Variants in WDR26 observed in about 807,000 individuals in gnomAD.
WDR26 encodes the protein WD repeat-containing protein 26.
In WDR26, 5 loss-of-function variants were observed where a neutral mutation model predicts 84.1. The observed-to-expected ratio is 0.06, with a 90% confidence interval of 0.03 to 0.13. The LOEUF is 0.13. WDR26 is among the 10% of genes least tolerant of loss of function. The pLI is 1.00. For missense variants in WDR26, 642 were observed against 974.9 expected (o/e 0.66, Z 4.55); for synonymous variants, 415 against 389.6 (o/e 1.07, Z -0.77).
chr1:224,407,151 A>AAAAAAAAAAATATATATAT, intron 7 of WDR26, among the ~76,000 whole-genome samples: 17 of 11,874 alleles, frequency 1.4e-3, no homozygotes, highest in Non-Finnish European at 2.2e-3. Flanking sequence ...AAAAAAAAAA[A>AAAAAAAAAAATATATATAT]ATATATATAT....
intron 8 of WDR26, among the ~76,000 whole-genome samples, chr1:224,404,169 C>T (rs1673492804): frequency 6.6e-6 from 1 of 152,002 alleles, no homozygotes; most frequent in Non-Finnish European, 1.5e-5. Flanking sequence ...TCTGAAGAAC[C>T]ACAGTAAATA....
chr1:224,423,212 T>C (rs1674115236), intron 4 of WDR26, among the ~76,000 whole-genome samples: 1 of 152,234 alleles, frequency 6.6e-6, no homozygotes, highest in Admixed American at 6.5e-5. Flanking sequence ...AGATAGTTTT[T>C]CCTTTTCAAT....
At chr1:224,431,912 C>A in intron 1 of WDR26, 131 bp from the exon 2 acceptor site, 1 of 644,156 alleles carries the variant, frequency 1.6e-6, no homozygotes, top group South Asian at 4.3e-5. Flanking sequence ...AAATAGCTTT[C>A]ATGTGCCTGG....
chr1:224,434,029 T>C lies in WDR26; in HGVS notation c.377A>G (p.Gln126Arg). 2 of 1,472,488 alleles carry C rather than the reference T, an allele frequency of 1.4e-6. No homozygotes were observed. Among genetic ancestry groups the C allele is most frequent in the Non-Finnish European group, 1.8e-6 (2 of 1,115,932 alleles). The allele number at this position is 1,472,488 out of a possible 1,614,324, so 91.2% of individuals were successfully genotyped here. A position where few individuals can be genotyped will look rare whatever the true frequency, so the allele number is the denominator to read the frequency against. ...GCAGGCGAGTTCCGGGGTCTGTCCC[T>C]GGCCCCCGCCGCCCCCTCCTCCTCC... The change falls in exon 1 of 14, where the codon CAG becomes CGG. Residue 126 changes from glutamine to arginine, a missense_variant. Gln to Arg is a conservative substitution (Grantham distance 43). Coordinates refer to ENST00000414423, the MANE Select transcript of WDR26 (RefSeq NM_001379403.1).
Position 224,401,695 on chromosome 1 carries a change from A to AAG in WDR26, c.1600-627_1600-626insCT, listed in dbSNP as rs1553354166. ...TCAAAAAAAAAAAAAAAAAAGAAAA[A>AAG]AAAAAAGAAAAAAGAAAAAAAAAGA... On this transcript the variant is annotated intron_variant, in intron 8 of 13. Coordinates refer to ENST00000414423, the MANE Select transcript of WDR26 (RefSeq NM_001379403.1). 7.2e-3 allele frequency among the ~76,000 whole-genome samples: 751 copies of AAG among 104,004 alleles called. 39 individuals are homozygous for AAG. The highest frequency in any genetic ancestry group is 0.021 in the African/African-American group (546 of 26,546). 68.2% of individuals were successfully genotyped at this position (104,004 alleles called of 152,430 possible). A position where few individuals can be genotyped will look rare whatever the true frequency, so the allele number is the denominator to read the frequency against.
chr1:224,431,391 T>G (rs746646516), intron 3 of WDR26, 86 bp downstream of exon 3: 1 of 1,248,786 alleles, frequency 8.0e-7, no homozygotes, highest in Non-Finnish European at 1.1e-6. Context: ...TAGGCCTTAT[T>G]TTTTTATAAG....
Position 224,434,238 on chromosome 1 carries a change from C to T in WDR26, c.168G>A (p.Ser56=), listed in dbSNP as rs1674529830. Reference sequence around the variant, plus strand: ...AGGAGGAGGAGGAGGACGAGGACGACGAGGACGGAGGGGAGAGGCCTGCTC... The same window carrying T: ...AGGAGGAGGAGGAGGACGAGGACGATGAGGACGGAGGGGAGAGGCCTGCTC... The change falls in exon 1 of 14, where the codon TCG becomes TCA. Residue 56 remains serine (S), a synonymous_variant. Transcript: ENST00000414423. The T allele has an allele frequency of 2.9e-6, 4 of 1,377,174 alleles. No individual in the cohort carries two copies. The highest frequency in any genetic ancestry group is 3.7e-6 in the Non-Finnish European group (4 of 1,069,460). 85.3% of individuals were successfully genotyped at this position (1,377,174 alleles called of 1,614,324 possible).
Position 224,434,204 on chromosome 1 carries a change from C to CGGAGGAGGAGGA in WDR26, c.190_201dup (p.Ser64_Ser67dup), listed in dbSNP as rs144531645. On this transcript the variant is annotated inframe_insertion, in exon 1 of 14. Transcript: ENST00000414423. ...GGGGGAAGTCCCACCACTACCACCA[C>CGGAGGAGGAGGA]GGAGGAGGAGGAGGAGGAGGAGGAC... The CGGAGGAGGAGGA allele has an allele frequency of 7.7e-5, 103 of 1,342,606 alleles. No individual in the cohort carries two copies. The Admixed American group carries it at 8.6e-4, about 11-fold the overall frequency. The allele number at this position is 1,342,606 out of a possible 1,614,324, so 83.2% of individuals were successfully genotyped here. A position where few individuals can be genotyped will look rare whatever the true frequency, so the allele number is the denominator to read the frequency against.
At chr1:224,411,957 G>C (rs1282473279) in intron 6 of WDR26, among the ~76,000 whole-genome samples, 7 of 152,034 alleles carry the variant, frequency 4.6e-5, no homozygotes, top group Non-Finnish European at 7.4e-5. Context: ...AGTTATGACT[G>C]CACCACTGCA....
chr1:224,398,169 T>A lies in WDR26; in HGVS notation c.2002A>T (p.Thr668Ser). Residue 668 changes from threonine (T) to serine (S), a missense_variant, in exon 12 of 14, where the codon ACA becomes TCA. This residue lies in a region of WDR26 where 351 missense variants were observed against 672.8 expected (regional missense o/e 0.52). Coordinates refer to ENST00000414423, the MANE Select transcript of WDR26 (RefSeq NM_001379403.1). ...GAATGAATTGTATAAAACCCTTGTGTAACACCTTGATACTTTCTTACTAAA... is the reference window on the plus strand; with the variant it reads ...GAATGAATTGTATAAAACCCTTGTGAAACACCTTGATACTTTCTTACTAAA... 3 of 1,613,750 alleles carry A rather than the reference T, an allele frequency of 1.9e-6. No homozygotes were observed. The highest frequency in any genetic ancestry group is 2.5e-6 in the Non-Finnish European group (3 of 1,179,900).
chr1:224,422,012 C>T (rs1024083444), intron 4 of WDR26, among the ~76,000 whole-genome samples: 2 of 151,990 alleles, frequency 1.3e-5, no homozygotes, highest in African/African-American at 2.4e-5. Flanking sequence ...TATTTGTTCT[C>T]GATGCTGGAG....
chr1:224,405,963 A>G (rs1673538726), intron 7 of WDR26, among the ~76,000 whole-genome samples: 1 of 152,250 alleles, frequency 6.6e-6, no homozygotes, highest in Non-Finnish European at 1.5e-5. Context: ...AGGCAACCAT[A>G]AAGGGACAAT....
At position 224,393,974 on chromosome 1, in the gene WDR26, G is replaced by T; in HGVS notation, c.2114C>A (p.Pro705Gln). The change falls in exon 13 of 14, where the codon CCA (proline) becomes CAA (glutamine). Residue 705 changes from proline (P) to glutamine (Q), a missense_variant. Transcript: ENST00000414423. Reference sequence around the variant, plus strand: ...TGTGTGCCCTGTCAGCTCCGCAATTGGCAGTTCACTACGTTTGTGCCAGAT... The same window carrying T: ...TGTGTGCCCTGTCAGCTCCGCAATTTGCAGTTCACTACGTTTGTGCCAGAT... 1 of 1,539,976 alleles carries T rather than the reference G, an allele frequency of 6.5e-7. No homozygotes were observed. Among genetic ancestry groups the T allele is most frequent in the Non-Finnish European group, 8.9e-7 (1 of 1,124,646 alleles).
In WDR26 at chr1:224,418,334, C is replaced by A; in HGVS notation, c.1245G>T (p.Arg415=). The A allele has an allele frequency of 1.2e-6, 2 of 1,613,546 alleles. No homozygotes were observed. Among genetic ancestry groups the A allele is most frequent in the Non-Finnish European group, 1.7e-6 (2 of 1,179,644 alleles). The change falls in exon 6 of 14, where the codon CGG becomes CGT. Residue 415 remains arginine (R), a synonymous_variant. Transcript: ENST00000414423. Reference sequence around the variant, plus strand: ...CAAGTTTGGTATTGTGATATAGGCACCGATCCCTTTGTAGTTCCACCGCCT... The same window carrying A: ...CAAGTTTGGTATTGTGATATAGGCAACGATCCCTTTGTAGTTCCACCGCCT...
intron 3 of WDR26, chr1:224,431,149 T>C (rs1395683925): frequency 5.0e-6 from 1 of 201,458 alleles, no homozygotes. Flanking sequence ...AACCAGCACA[T>C]TCAGTATTTT....
chr1:224,404,648 A>G (rs1332979807), intron 7 of WDR26, 78 bp from the exon 8 acceptor site: 1 of 1,492,092 alleles, frequency 6.7e-7, no homozygotes, highest in African/African-American at 1.4e-5. Context: ...TTAAATAGCT[A>G]CAAAGATGTA....
chr1:224,424,403 C>T, intron 4 of WDR26, 115 bp downstream of exon 4: 1 of 1,376,990 alleles, frequency 7.3e-7, no homozygotes, highest in Non-Finnish European at 9.8e-7. Flanking sequence ...GTGAGTTTAC[C>T]TAGACAAATA....
intron 7 of WDR26, among the ~76,000 whole-genome samples, chr1:224,405,788 G>A (rs1243548984): frequency 6.6e-6 from 1 of 152,206 alleles, no homozygotes; most frequent in East Asian, 1.9e-4. Context: ...CAAGTGACAA[G>A]GCTGCAAGAG....
intron 7 of WDR26, among the ~76,000 whole-genome samples, chr1:224,407,268 G>A (rs1376733845): frequency 1.4e-5 from 2 of 142,506 alleles, no homozygotes; most frequent in Non-Finnish European, 3.0e-5. Context: ...TTAGCACAGT[G>A]CCTTTATACT....
Sources: allele counts gnomAD v4.1 joint callset (sites outside exome capture counted in the v4.1 genomes callset), GRCh38; gene constraint gnomAD v4.1.1; regional missense constraint gnomAD v4.1.1; transcripts MANE v1.5; gene names NCBI Gene and HGNC (gene_info 2026-07-23, HGNC 2026-07-21).